Variants in MECOM observed in about 807,000 individuals in gnomAD.
The protein encoded by MECOM is MDS1 and EVI1 complex locus, also known as histone-lysine N-methyltransferase MECOM.
A neutral mutation model predicts 116.3 loss-of-function variants in MECOM; 13 were observed. The ratio of observed to expected loss-of-function variants is 0.11; its 90% CI spans 0.07 to 0.18. The LOEUF (loss-of-function observed/expected upper bound fraction) is 0.18. MECOM is among the 10% of genes least tolerant of loss of function. MECOM has a pLI of 1.00. For missense variants in MECOM, 1,299 were observed against 1,509.0 expected (o/e 0.86, Z 2.31); for synonymous variants, 528 against 535.2 (o/e 0.99, Z 0.19).
intron 2 of MECOM, among the ~76,000 whole-genome samples, chr3:169,263,096 T>C (rs1757763022): frequency 1.6e-5 from 1 of 63,774 alleles, no homozygotes; most frequent in Non-Finnish European, 2.6e-5. Context: ...TATATATATA[T>C]ATATATATAT....
chr3:169,580,133 T>G (rs1009529556), intron 1 of MECOM, among the ~76,000 whole-genome samples: 1 of 152,216 alleles, frequency 6.6e-6, no homozygotes, highest in African/African-American at 2.4e-5. Context: ...ATTAGTAGAC[T>G]ATTTGTCTAT....
At chr3:169,115,325 T>G in intron 8 of MECOM, 58 bp downstream of exon 8, 1 of 1,539,264 alleles carries the variant, frequency 6.5e-7, no homozygotes, top group Non-Finnish European at 8.8e-7. Context: ...CACTTTACAG[T>G]GGAAATACCG....
rs745764772 is a variant in MECOM at position 169,100,985 on chromosome 3, A to G, written c.2772-23T>C. On this transcript the variant is annotated intron_variant, in intron 11 of 16. Transcript: ENST00000651503. ...TATCTGTTATGAAAAGATGTTTATA[A>G]GAGAAAGTCAGCACAGTTGACTATA... 4 of 1,572,088 alleles carry G rather than the reference A, an allele frequency of 2.5e-6. No homozygotes were observed. The Admixed American group carries it at 6.7e-5, about 26-fold the overall frequency.
At chr3:169,455,827 ATTGGT>A (rs2108698344) in intron 1 of MECOM, among the ~76,000 whole-genome samples, 1 of 152,242 alleles carries the variant, frequency 6.6e-6, no homozygotes, top group East Asian at 1.9e-4. Context: ...CACCATTGGA[ATTGGT>A]TTGGTTTGTC....
At chr3:169,597,621 T>C (rs992368624) in intron 1 of MECOM, among the ~76,000 whole-genome samples, 5 of 152,210 alleles carry the variant, frequency 3.3e-5, no homozygotes, top group African/African-American at 1.2e-4. Flanking sequence ...ATACACAGAC[T>C]ACAATTTCAA....
intron 2 of MECOM, among the ~76,000 whole-genome samples, chr3:169,271,190 C>T (rs188086871): frequency 5.9e-4 from 90 of 152,276 alleles, no homozygotes; most frequent in African/African-American, 2.1e-3. Flanking sequence ...ATTACACCTG[C>T]CCTTCTTGGG....
At chr3:169,534,480 G>A (rs903176407) in intron 1 of MECOM, among the ~76,000 whole-genome samples, 2 of 152,006 alleles carry the variant, frequency 1.3e-5, no homozygotes, top group Non-Finnish European at 2.9e-5. Flanking sequence ...TGTCATAAGT[G>A]TGTCATTTTG....
chr3:169,380,682 T>C (rs1300043859), intron 2 of MECOM, among the ~76,000 whole-genome samples: 1 of 152,150 alleles, frequency 6.6e-6, no homozygotes, highest in Non-Finnish European at 1.5e-5. Flanking sequence ...GAAGCATGTA[T>C]AATTAAAGCA....
At chr3:169,553,341 T>TA (rs1254791773) in intron 1 of MECOM, among the ~76,000 whole-genome samples, 9 of 152,134 alleles carry the variant, frequency 5.9e-5, no homozygotes, top group South Asian at 4.1e-4. Context: ...TGATAAGTGC[T>TA]AAAAAAAGAA....
chr3:169,092,997 C>T lies in MECOM; in HGVS notation c.3125G>A (p.Ser1042Asn), dbSNP rs115322445. 6.4e-5 allele frequency: 104 copies of T among 1,613,792 alleles called. No individual in the cohort carries two copies. The highest frequency in any genetic ancestry group is 8.4e-5 in the Non-Finnish European group (99 of 1,179,792). ...CCTGGGAGATTGGCTGCCATGGTTG[C>T]TGTTCCCAATGAAATTTCGAATTTC... ...FTEIRNFIGNSNHGSQSPRNV... is the reference protein window; with the variant it reads ...FTEIRNFIGNNNHGSQSPRNV... Residue 1042 changes from serine (S) to asparagine (N), a missense_variant, in exon 14 of 17, where the codon AGC becomes AAC. Coordinates refer to ENST00000651503, the MANE Select transcript of MECOM (RefSeq NM_004991.4).
chr3:169,113,171 C>T (rs986838210), intron 8 of MECOM, among the ~76,000 whole-genome samples: 1 of 152,044 alleles, frequency 6.6e-6, no homozygotes, highest in Non-Finnish European at 1.5e-5. Flanking sequence ...GTCATGAATT[C>T]AGTACCTTTC....
At chr3:169,415,890 C>T (rs138422633) in intron 1 of MECOM, among the ~76,000 whole-genome samples, 1 of 152,040 alleles carries the variant, frequency 6.6e-6, no homozygotes, top group Non-Finnish European at 1.5e-5. Context: ...TCTTAGGGAC[C>T]TACAAAGAGA....
intron 1 of MECOM, among the ~76,000 whole-genome samples, chr3:169,646,247 G>A (rs1235983512): frequency 2.1e-5 from 3 of 142,926 alleles, no homozygotes; most frequent in African/African-American, 7.8e-5. Context: ...TCATAGGTGT[G>A]AATTGAACAA....
chr3:169,477,146 TATACACACACAC>T (rs1750614836), intron 1 of MECOM: 1 of 44,860 alleles, frequency 2.2e-5, no homozygotes, highest in South Asian at 7.3e-4. Context: ...TATATATATA[TATACACACACAC>T]ACAATTTCAT....
intron 2 of MECOM, among the ~76,000 whole-genome samples, chr3:169,289,882 C>A (rs969838383): frequency 2.0e-5 from 3 of 152,140 alleles, no homozygotes; most frequent in Admixed American, 6.6e-5. Context: ...TGAAGTTAAA[C>A]CCTGTTGAAG....
intron 1 of MECOM, among the ~76,000 whole-genome samples, chr3:169,435,664 T>C (rs895778090): frequency 2.6e-5 from 4 of 152,214 alleles, no homozygotes; most frequent in African/African-American, 4.8e-5. Context: ...AAAATATATA[T>C]TTTCTTGCTG....
At chr3:169,472,636 AGGAAAG>A (rs1749686876) in intron 1 of MECOM, among the ~76,000 whole-genome samples, 2 of 86,774 alleles carry the variant, frequency 2.3e-5, no homozygotes, top group Middle Eastern at 5.6e-3. Flanking sequence ...AGAAAAGAAA[AGGAAAG>A]GAAAGGAAAA....
At chr3:169,350,545 G>A (rs1468986319) in intron 2 of MECOM, among the ~76,000 whole-genome samples, 2 of 151,924 alleles carry the variant, frequency 1.3e-5, no homozygotes, top group East Asian at 3.9e-4. Flanking sequence ...TCCAAATTAT[G>A]AGGTGTTATA....
At chr3:169,650,122 G>A (rs1774701096) in intron 1 of MECOM, among the ~76,000 whole-genome samples, 1 of 152,150 alleles carries the variant, frequency 6.6e-6, no homozygotes, top group Non-Finnish European at 1.5e-5. Context: ...CATCTGATGG[G>A]CTTTAGTGTG....
Sources: allele counts gnomAD v4.1 joint callset (sites outside exome capture counted in the v4.1 genomes callset), GRCh38; gene constraint gnomAD v4.1.1; transcripts MANE v1.5; gene names NCBI Gene and HGNC (gene_info 2026-07-23, HGNC 2026-07-21).